ABCA1: variants seen among roughly 807,000 people sequenced by gnomAD.
ABCA1 encodes the protein ATP binding cassette subfamily A member 1.
ABCA1 carries 133 observed loss-of-function variants against 262.5 expected under a neutral mutation model. The observed-to-expected ratio is 0.51, with a 90% confidence interval of 0.44 to 0.59. The LOEUF (loss-of-function observed/expected upper bound fraction) is 0.59, where lower values mean the gene tolerates loss of function less well. Among genes scored for constraint, ABCA1 ranks in the 20% least tolerant of loss-of-function variants. ABCA1 has a pLI of 0.00. For synonymous variants in ABCA1, 1,022 were observed against 1,043.5 expected (o/e 0.98, Z 0.40); for missense variants, 2,452 against 2,777.5 (o/e 0.88, Z 2.63).
At chr9:104,802,867 T>C (rs1418029902) in intron 33 of ABCA1, among the ~76,000 whole-genome samples, 2 of 152,224 alleles carry the variant, frequency 1.3e-5, no homozygotes, top group African/African-American at 4.8e-5. Context: ...AGTCCCGTGC[T>C]AAATGCCTAG....
intron 34 of ABCA1, among the ~76,000 whole-genome samples, chr9:104,800,847 T>C (rs1830270295): frequency 6.6e-6 from 1 of 152,166 alleles, no homozygotes; most frequent in African/African-American, 2.4e-5. Context: ...AAGATTTTAA[T>C]GTCTGGTTAT....
chr9:104,844,087 G>T (rs1010503200), intron 8 of ABCA1, among the ~76,000 whole-genome samples: 2 of 151,342 alleles, frequency 1.3e-5, no homozygotes, highest in African/African-American at 4.9e-5. Flanking sequence ...CAAACCCTGA[G>T]TTTAGAGGCA....
chr9:104,859,564 G>A (rs969504088), intron 6 of ABCA1, among the ~76,000 whole-genome samples: 4 of 152,194 alleles, frequency 2.6e-5, no homozygotes, highest in African/African-American at 4.8e-5. Context: ...AACAACCTAA[G>A]GTGAGTGATG....
chr9:104,824,698 T>C (rs1424411061), intron 17 of ABCA1, 120 bp from the exon 18 acceptor site: 2 of 1,215,520 alleles, frequency 1.6e-6, no homozygotes, highest in Non-Finnish European at 2.4e-6. Flanking sequence ...TTTGAATGGA[T>C]GTGGGGAAAG....
At position 104,785,706 on chromosome 9, in the gene ABCA1, TG is replaced by T; in HGVS notation, c.6402-68del. 4 of 1,600,604 alleles carry T rather than the reference TG, an allele frequency of 2.5e-6. No individual in the cohort carries two copies. In the African/African-American group the frequency reaches 4.0e-5, roughly 16 times the overall value. On this transcript the variant is annotated intron_variant, in intron 48 of 49. Transcript: ENST00000374736. The stretch of plus-strand genomic sequence containing the variant: ...AACTATTTAAAAGAATACTGAACCC[TG>T]GGAACCCAACTTGTGCCATGAAAAA...
rs765894881 is a variant in ABCA1, at chr9:104,816,254, T to C, written c.3627A>G (p.Pro1209=). 6 of 1,614,070 alleles carry C rather than the reference T, an allele frequency of 3.7e-6. No homozygotes were observed. Among genetic ancestry groups the C allele is most frequent in the Middle Eastern group, 3.3e-4 (2 of 6,084 alleles). The change falls in exon 25 of 50, where the codon CCA becomes CCG. Residue 1209 remains proline, a synonymous_variant. Transcript: ENST00000374736. The stretch of plus-strand genomic sequence containing the variant: ...AGGCTCCCTCCTTAGCAGCTTCATA[T>C]GGCAGCACATAGGTCAGCTCATGCC... ...DIGHELTYVL[P]YEAAKEGAFV...
chr9:104,788,502 G>C lies in ABCA1; in HGVS notation c.5993C>G (p.Thr1998Arg). 6.2e-7 allele frequency: 1 copy of C among 1,614,172 alleles called. No homozygotes were observed. ...GTGTTCTCTCCCAGTCAACAGCTCTGTGATGGCATCAAACTGAGGGCAGTA... is the reference window on the plus strand; with the variant it reads ...GTGTTCTCTCCCAGTCAACAGCTCTCTGATGGCATCAAACTGAGGGCAGTA... ...MGYCPQFDAITELLTGREHVE... is the reference protein window; with the variant it reads ...MGYCPQFDAIRELLTGREHVE... Residue 1998 changes from threonine to arginine, a missense_variant, in exon 45 of 50, where the codon ACA (threonine) becomes AGA (arginine). Around this residue, in one of 4 missense-constraint regions of ABCA1, gnomAD observed 752 missense variants for 944.5 expected, o/e 0.80. Coordinates refer to ENST00000374736, the MANE Select transcript of ABCA1 (RefSeq NM_005502.4).
At chr9:104,804,782 A>C (rs1830624579) in intron 31 of ABCA1, 62 bp from the exon 32 acceptor site, 1 of 1,397,810 alleles carries the variant, frequency 7.2e-7, no homozygotes, top group Non-Finnish European at 1.0e-6. Context: ...ACAGAAAACA[A>C]ATCAAGGACA....
chr9:104,839,087 C>G (rs1834121463), intron 9 of ABCA1, among the ~76,000 whole-genome samples: 1 of 152,132 alleles, frequency 6.6e-6, no homozygotes, highest in Non-Finnish European at 1.5e-5. Context: ...GAAAGGTTCC[C>G]CTGCATCAAG....
At chr9:104,799,754 T>C (rs1483956619) in intron 36 of ABCA1, 65 bp downstream of exon 36, 1 of 1,613,810 alleles carries the variant, frequency 6.2e-7, no homozygotes, top group East Asian at 2.2e-5. Flanking sequence ...ATTCACATTT[T>C]TCTCCCCTTC....
rs139971824 is a variant in ABCA1 at position 104,879,039 on chromosome 9, C to T, written c.421+4000G>A. ...GCAGTGAGCCAAGATTGCGCCACTG[C>T]ACTCCAGCCTGGTGACAGAGCGAGG... On this transcript the variant is annotated intron_variant, in intron 5 of 49. Transcript: ENST00000374736. Among the ~76,000 whole-genome samples the T allele has an allele frequency of 2.1e-4, 32 of 151,114 alleles. No individual in the cohort carries two copies. In the East Asian group the frequency reaches 5.3e-3, roughly 25 times the overall value.
intron 20 of ABCA1, among the ~76,000 whole-genome samples, chr9:104,820,925 C>T (rs765123642): frequency 1.9e-4 from 29 of 152,162 alleles, no homozygotes; most frequent in South Asian, 1.5e-3. Flanking sequence ...AAGGTGTTCA[C>T]GGAGGTGAGC....
intron 43 of ABCA1, among the ~76,000 whole-genome samples, chr9:104,791,706 T>C (rs1829443002): frequency 1.3e-5 from 2 of 152,154 alleles, no homozygotes; most frequent in Non-Finnish European, 1.5e-5. Context: ...ATTACAGGAG[T>C]GAATCACTGC....
chr9:104,855,973 G>T lies in ABCA1; in HGVS notation c.720+2549C>A, dbSNP rs373462868. On this transcript the variant is annotated intron_variant, in intron 7 of 49. Coordinates refer to ENST00000374736, the MANE Select transcript of ABCA1 (RefSeq NM_005502.4). ...CACTTTTGGTACAGAAGCACATATTGAAAGAAGAGTTTCTCTCCCCATCAT... is the reference window on the plus strand; with the variant it reads ...CACTTTTGGTACAGAAGCACATATTTAAAGAAGAGTTTCTCTCCCCATCAT... 2.0e-4 allele frequency: 325 copies of T among 1,612,888 alleles called. No individual in the cohort carries two copies. The Middle Eastern group carries it at 3.1e-3, about 16-fold the overall frequency.
At chr9:104,837,162 G>A (rs1165182130) in intron 10 of ABCA1, 66 bp from the exon 11 acceptor site, 29 of 1,339,012 alleles carry the variant, frequency 2.2e-5, no homozygotes, top group Non-Finnish European at 3.0e-5. Flanking sequence ...TGAGCGTTTG[G>A]CTCCTCCCTG....
chr9:104,821,623 T>C, intron 19 of ABCA1, 117 bp from the exon 20 acceptor site: 1 of 1,223,240 alleles, frequency 8.2e-7, no homozygotes, highest in Non-Finnish European at 1.2e-6. Flanking sequence ...CCCATTCCTT[T>C]CTAATGAACC....
In ABCA1 at chr9:104,858,568, G is replaced by C; in HGVS notation, c.674C>G (p.Ala225Gly). The C allele has an allele frequency of 1.9e-6, 3 of 1,614,166 alleles. No homozygotes were observed. The highest frequency in any genetic ancestry group is 2.5e-6 in the Non-Finnish European group (3 of 1,180,040). ...CATGTTGGAACGAAGTACTCGCTCT[G>C]CTGCAGCCAGTTTCTCCCTTGGTAG... ...CGLPREKLAA[A>G]ERVLRSNMDI... is the part of the protein sequence containing the mutation. The change falls in exon 7 of 50, where the codon GCA becomes GGA. Residue 225 changes from alanine (A) to glycine (G), a missense_variant. Physicochemically the swap from Ala to Gly is moderately conservative, Grantham distance 60. Around this residue, in one of 4 missense-constraint regions of ABCA1, gnomAD observed 1,032 missense variants for 1,089.7 expected, o/e 0.95. Coordinates refer to ENST00000374736, the MANE Select transcript of ABCA1 (RefSeq NM_005502.4).
At chr9:104,831,530 A>G in intron 13 of ABCA1, 92 bp downstream of exon 13, 1 of 1,108,122 alleles carries the variant, frequency 9.0e-7, no homozygotes, top group East Asian at 2.6e-5. Flanking sequence ...TTTCTACCAA[A>G]TTTTTAGTTA....
intron 3 of ABCA1, among the ~76,000 whole-genome samples, chr9:104,887,029 G>C (rs564231888): frequency 6.6e-6 from 1 of 152,262 alleles, no homozygotes; most frequent in Non-Finnish European, 1.5e-5. Context: ...TGTAATCCCA[G>C]CACTTTGGGA....
Sources: gnomAD v4.1 joint callset for allele counts (sites outside exome capture counted in the v4.1 genomes callset) on GRCh38, gnomAD v4.1.1 for gene constraint, gnomAD v4.1.1 regional missense constraint, MANE v1.5 for transcripts, NCBI Gene and HGNC (gene_info 2026-07-23, HGNC 2026-07-21) for gene names.